The following ROBO2 variants were observed in gnomAD, a reference collection of about 807,000 sequenced individuals.
ROBO2 encodes the protein roundabout guidance receptor 2.
In ROBO2, 53 loss-of-function variants were observed where a neutral mutation model predicts 160.8. The observed-to-expected ratio is 0.33, with a 90% CI of 0.26 to 0.41. The LOEUF is 0.41. ROBO2 is among the 10% of genes least tolerant of loss of function. The pLI is 1.00. For synonymous variants in ROBO2, 664 were observed against 611.7 expected, an observed-to-expected ratio of 1.09 and a Z score of -1.26; for missense variants, 1,577 against 1,722.4, an observed-to-expected ratio of 0.92 and a Z score of 1.49.
intron 2 of ROBO2, among the ~76,000 whole-genome samples, chr3:76,806,720 C>A (rs1176246416): frequency 2.0e-5 from 3 of 151,912 alleles, no homozygotes; most frequent in Non-Finnish European, 4.4e-5. Flanking sequence ...CAGTAGGTAC[C>A]ACCTCTAGTA....
intron 2 of ROBO2, among the ~76,000 whole-genome samples, chr3:76,699,123 C>T (rs551003073): frequency 3.4e-4 from 52 of 152,278 alleles, no homozygotes; most frequent in African/African-American, 1.2e-3. Context: ...ATTTGAGCCA[C>T]ACTGAAAAGT....
chr3:77,547,962 GAC>G (rs1041302263), intron 7 of ROBO2, among the ~76,000 whole-genome samples: 18 of 150,814 alleles, frequency 1.2e-4, no homozygotes, highest in African/African-American at 1.5e-4. Context: ...CACACACTTA[GAC>G]ACACACACAT....
intron 2 of ROBO2, among the ~76,000 whole-genome samples, chr3:76,127,592 G>GAAA (rs140905293): frequency 8.5e-4 from 107 of 126,590 alleles, no homozygotes; most frequent in African/African-American, 2.8e-3. Context: ...TATATGGTTT[G>GAAA]AAAAAATATA....
chr3:77,579,831 T>C, intron 15 of ROBO2, 116 bp from the exon 17 acceptor site: 1 of 965,336 alleles, frequency 1.0e-6, no homozygotes, highest in South Asian at 1.5e-5. Context: ...GCAAAACTTC[T>C]ATAAGCCTAG....
intron 2 of ROBO2, among the ~76,000 whole-genome samples, chr3:76,330,008 A>T (rs2073359417): frequency 3.9e-5 from 6 of 152,122 alleles, no homozygotes; most frequent in Admixed American, 3.9e-4. Flanking sequence ...GAGTGTGAAA[A>T]CATAGTACTT....
chr3:75,991,620 C>G (rs1293810320), intron 2 of ROBO2, among the ~76,000 whole-genome samples: 2 of 152,008 alleles, frequency 1.3e-5, no homozygotes, highest in African/African-American at 2.4e-5. Flanking sequence ...CAAACTAATA[C>G]AGTAAATTGG....
At chr3:77,215,967 G>A (rs1260977540) in intron 2 of ROBO2, among the ~76,000 whole-genome samples, 6 of 152,150 alleles carry the variant, frequency 3.9e-5, no homozygotes, top group Admixed American at 3.3e-4. Flanking sequence ...GTACCCAGCC[G>A]TGTGAGGTGT....
At chr3:76,317,965 C>T (rs1360950515) in intron 2 of ROBO2, among the ~76,000 whole-genome samples, 1 of 151,880 alleles carries the variant, frequency 6.6e-6, no homozygotes, top group African/African-American at 2.4e-5. Flanking sequence ...TTTTGTTAAA[C>T]TTCTATTCAA....
chr3:76,436,159 AACAC>A, intron 2 of ROBO2, among the ~76,000 whole-genome samples: 1 of 140,592 alleles, frequency 7.1e-6, no homozygotes. Context: ...TTAAAAGGAA[AACAC>A]ACACACACAC....
chr3:77,271,742 G>A (rs2059505244), intron 2 of ROBO2, among the ~76,000 whole-genome samples: 2 of 152,194 alleles, frequency 1.3e-5, no homozygotes, highest in South Asian at 2.1e-4. Context: ...CCTAAATTAC[G>A]TATTAACAGA....
At chr3:76,388,360 T>C (rs2325008) in intron 2 of ROBO2, among the ~76,000 whole-genome samples, 39,993 of 151,408 alleles carry the variant, frequency 0.26, 7,030 homozygotes, top group African/African-American at 0.5. Flanking sequence ...CAAGCTCCGC[T>C]TCCCGGGTTC....
At chr3:76,859,292 T>C (rs938216994) in intron 2 of ROBO2, among the ~76,000 whole-genome samples, 1 of 152,224 alleles carries the variant, frequency 6.6e-6, no homozygotes, top group Non-Finnish European at 1.5e-5. Context: ...ATTTTTCATA[T>C]ATTTGATGCA....
chr3:76,394,142 G>A (rs985714814), intron 2 of ROBO2, among the ~76,000 whole-genome samples: 25 of 152,092 alleles, frequency 1.6e-4, no homozygotes, highest in African/African-American at 5.8e-4. Flanking sequence ...AGTTAATATT[G>A]TTATGTGTGA....
intron 2 of ROBO2, among the ~76,000 whole-genome samples, chr3:77,109,201 C>T (rs957138231): frequency 6.6e-5 from 10 of 152,164 alleles, no homozygotes; most frequent in African/African-American, 2.4e-4. Context: ...GGTCGGTACT[C>T]ACCTAGGTGT....
intron 2 of ROBO2, among the ~76,000 whole-genome samples, chr3:76,807,817 T>C (rs1374907599): frequency 6.6e-6 from 1 of 151,926 alleles, no homozygotes; most frequent in Non-Finnish European, 1.5e-5. Context: ...ATATGAAAAA[T>C]ATTTAAATAA....
chr3:76,389,828 C>T (rs558550225), intron 2 of ROBO2, among the ~76,000 whole-genome samples: 88 of 152,200 alleles, frequency 5.8e-4, no homozygotes, highest in African/African-American at 2.0e-3. Flanking sequence ...GAATTTTAGC[C>T]TCTCAGTTTA....
intron 2 of ROBO2, among the ~76,000 whole-genome samples, chr3:76,059,977 T>C (rs1434856585): frequency 6.6e-6 from 1 of 152,210 alleles, no homozygotes; most frequent in Admixed American, 6.5e-5. Flanking sequence ...TGATGTTATT[T>C]GTGAGGGCTC....
chr3:76,658,961 C>G (rs953789236), intron 2 of ROBO2, among the ~76,000 whole-genome samples: 2 of 152,070 alleles, frequency 1.3e-5, no homozygotes, highest in Non-Finnish European at 2.9e-5. Context: ...AAGAGAGATA[C>G]AATGACGGTA....
intron 2 of ROBO2, among the ~76,000 whole-genome samples, chr3:76,156,705 C>T (rs946998125): frequency 5.9e-5 from 9 of 152,322 alleles, no homozygotes; most frequent in African/African-American, 9.6e-5. Context: ...CAGTGGCTCG[C>T]GCCTGTAATC....
Sources: allele counts gnomAD v4.1 joint callset (sites outside exome capture counted in the v4.1 genomes callset), GRCh38; gene constraint gnomAD v4.1.1; transcripts MANE v1.5; gene names NCBI Gene and HGNC (gene_info 2026-07-23, HGNC 2026-07-21).